PLXNA4: variants seen among roughly 807,000 people sequenced by gnomAD.
PLXNA4 encodes the protein plexin A4.
Under a neutral mutation model 191.8 loss-of-function variants are expected in PLXNA4, and 44 were observed. That is an observed-to-expected ratio of 0.23 (90% confidence interval 0.18 to 0.29). The LOEUF (loss-of-function observed/expected upper bound fraction) is 0.29, where lower values mean the gene tolerates loss of function less well. Among genes scored for constraint, PLXNA4 ranks in the 10% least tolerant of loss-of-function variants. The probability of loss-of-function intolerance (pLI) is 1.00; values close to 1 mark genes in which losing one functional copy is unlikely to be tolerated. For missense variants in PLXNA4, 1,800 were observed against 2,488.8 expected, an observed-to-expected ratio of 0.72 and a Z score of 5.89; for synonymous variants, 1,082 against 1,009.5, an observed-to-expected ratio of 1.07 and a Z score of -1.36.
chr7:132,322,858 T>C (rs1176794582), intron 3 of PLXNA4, among the ~76,000 whole-genome samples: 1 of 152,230 alleles, frequency 6.6e-6, no homozygotes, highest in Non-Finnish European at 1.5e-5. Context: ...GATACCACTG[T>C]TCTGGGGTTC....
intron 2 of PLXNA4, among the ~76,000 whole-genome samples, chr7:132,621,086 C>G (rs1803251741): frequency 6.6e-6 from 1 of 152,110 alleles, no homozygotes; most frequent in African/African-American, 2.4e-5. Context: ...CAACAAATAC[C>G]ATCACACTAG....
At position 132,328,516 on chromosome 7, in the gene PLXNA4, GGAATCAGATGTAA is replaced by G. The variant is rs1349079341; in HGVS notation, c.1372-30307_1372-30295del. 1.3e-4 allele frequency among the ~76,000 whole-genome samples: 20 copies of G among 152,198 alleles called. 1 individual carries two copies. The highest frequency in any genetic ancestry group is 1.0e-3 in the Admixed American group (16 of 15,290). On this transcript the variant is annotated intron_variant, in intron 3 of 31. Transcript: ENST00000321063. ...ACACCTCCACCACCTCTGTTCCAGT[GGAATCAGATGTAA>G]GAATCAGAGGGCCTGGGCTGTTGAC... is the stretch of plus-strand genomic sequence containing the variant.
chr7:132,279,796 G>C (rs962620728), intron 4 of PLXNA4, among the ~76,000 whole-genome samples: 1 of 152,160 alleles, frequency 6.6e-6, no homozygotes, highest in African/African-American at 2.4e-5. Flanking sequence ...GCAAGTTGTT[G>C]AGATAGAGAA....
chr7:132,350,835 C>A (rs772252007), intron 3 of PLXNA4, among the ~76,000 whole-genome samples: 1 of 152,014 alleles, frequency 6.6e-6, no homozygotes. Context: ...AATGTATACA[C>A]AAATGTTCAT....
chr7:132,172,086 G>T (rs751604623), intron 21 of PLXNA4, among the ~76,000 whole-genome samples: 1 of 152,152 alleles, frequency 6.6e-6, no homozygotes, highest in Non-Finnish European at 1.5e-5. Context: ...TGGAAGTGAA[G>T]TGTCTTGGTC....
At chr7:132,234,788 C>G (rs933829127) in intron 5 of PLXNA4, among the ~76,000 whole-genome samples, 1 of 152,042 alleles carries the variant, frequency 6.6e-6, no homozygotes, top group African/African-American at 2.4e-5. Context: ...AGGCTGATAG[C>G]TTTTTGGCAA....
At chr7:132,449,989 C>G (rs1379034396) in intron 3 of PLXNA4, among the ~76,000 whole-genome samples, 1 of 152,234 alleles carries the variant, frequency 6.6e-6, no homozygotes, top group Non-Finnish European at 1.5e-5. Context: ...TGATGAAATG[C>G]CTCTCCCAGT....
At chr7:132,222,526 T>C (rs1000654374) in intron 9 of PLXNA4, among the ~76,000 whole-genome samples, 1 of 151,426 alleles carries the variant, frequency 6.6e-6, no homozygotes, top group Non-Finnish European at 1.5e-5. Flanking sequence ...GTCCCTTCTC[T>C]CACAGCTGTG....
Position 132,222,106 on chromosome 7 carries a change from A to G in PLXNA4, c.2097+1421T>C, listed in dbSNP as rs561812113. ...GTTTGCTCCCCTTGTCTGTTACTCAATCAGGATCATCCTCTCTCCAGACAA... is the reference window on the plus strand; with the variant it reads ...GTTTGCTCCCCTTGTCTGTTACTCAGTCAGGATCATCCTCTCTCCAGACAA... On this transcript the variant is annotated intron_variant, in intron 9 of 31. Transcript: ENST00000321063. 3.3e-5 allele frequency among the ~76,000 whole-genome samples: 5 copies of G among 152,274 alleles called. 1 individual carries two copies. Among genetic ancestry groups the G allele is most frequent in the Admixed American group, 2.0e-4 (3 of 15,304 alleles).
chr7:132,514,172 C>T (rs963536022), intron 1 of PLXNA4, among the ~76,000 whole-genome samples: 1 of 151,932 alleles, frequency 6.6e-6, no homozygotes, highest in African/African-American at 2.4e-5. Context: ...CTACCTCAGC[C>T]TCCCCAGTAG....
intron 4 of PLXNA4, among the ~76,000 whole-genome samples, chr7:132,293,257 GA>G (rs958141862): frequency 1.3e-5 from 2 of 152,070 alleles, no homozygotes; most frequent in African/African-American, 4.8e-5. Flanking sequence ...TCATGCTGCT[GA>G]AAAAAACATA....
At chr7:132,258,538 G>A (rs1197878253) in intron 4 of PLXNA4, among the ~76,000 whole-genome samples, 3 of 152,330 alleles carry the variant, frequency 2.0e-5, no homozygotes, top group Non-Finnish European at 4.4e-5. Flanking sequence ...AGGAGACCCT[G>A]CCTGACCATA....
chr7:132,171,801 A>G, intron 21 of PLXNA4, among the ~76,000 whole-genome samples: 1 of 152,012 alleles, frequency 6.6e-6, no homozygotes. Flanking sequence ...AAACTCCATC[A>G]CCTCTGGGCT....
chr7:132,499,554 C>T (rs1328464839), intron 2 of PLXNA4, among the ~76,000 whole-genome samples: 2 of 152,178 alleles, frequency 1.3e-5, no homozygotes, highest in Non-Finnish European at 2.9e-5. Context: ...ATCCCACTGT[C>T]CCTCCTGGAG....
At chr7:132,184,805 T>C (rs73499366) in intron 16 of PLXNA4, among the ~76,000 whole-genome samples, 1,537 of 152,256 alleles carry the variant, frequency 0.01, 20 homozygotes, top group African/African-American at 0.034. Flanking sequence ...AGGGGAAATA[T>C]AAGCAGGCAG....
chr7:132,619,444 A>C (rs542338494), intron 2 of PLXNA4, among the ~76,000 whole-genome samples: 9 of 152,368 alleles, frequency 5.9e-5, no homozygotes, highest in Admixed American at 1.3e-4. Flanking sequence ...CTGTTTCATC[A>C]GCTTTATTGC....
chr7:132,417,453 G>GA (rs1794698321), intron 3 of PLXNA4, among the ~76,000 whole-genome samples: 1 of 152,110 alleles, frequency 6.6e-6, no homozygotes, highest in Admixed American at 6.6e-5. Context: ...GAGACTCAGT[G>GA]AAAAATCTCA....
intron 1 of PLXNA4, among the ~76,000 whole-genome samples, chr7:132,509,917 T>C (rs893085553): frequency 6.6e-6 from 1 of 152,258 alleles, no homozygotes; most frequent in Non-Finnish European, 1.5e-5. Context: ...ACAAGGCAGA[T>C]CTTGGCTTCC....
rs544778749 is a variant in PLXNA4, at chr7:132,273,172, T to C, written c.1503+24919A>G. ...AGCCCTCATCTTCATGGAGCAGATG[T>C]CATCCACTCTGAGTGATGTCTGTGT... On this transcript the variant is annotated intron_variant, in intron 4 of 31. Transcript: ENST00000321063. Among the ~76,000 whole-genome samples the C allele has an allele frequency of 1.0e-3, 156 of 152,252 alleles. 1 individual carries two copies. Among genetic ancestry groups the C allele is most frequent in the African/African-American group, 3.6e-3 (150 of 41,552 alleles).
Sources: allele counts gnomAD v4.1 joint callset (sites outside exome capture counted in the v4.1 genomes callset), GRCh38; gene constraint gnomAD v4.1.1; transcripts MANE v1.5; gene names NCBI Gene and HGNC (gene_info 2026-07-23, HGNC 2026-07-21).